FHIT: variants seen among roughly 807,000 people sequenced by gnomAD.
The protein encoded by FHIT is bis(5'-adenosyl)-triphosphatase.
FHIT carries 19 observed loss-of-function variants against 17.9 expected under a neutral mutation model. That is an observed-to-expected ratio of 1.06 (90% CI 0.74 to 1.56). The LOEUF (loss-of-function observed/expected upper bound fraction) is 1.56. Ranked by LOEUF, FHIT falls within the 40% of genes most tolerant of loss-of-function variation. The pLI is 0.00. For synonymous variants in FHIT, 81 were observed against 69.7 expected, an observed-to-expected ratio of 1.16 and a Z score of -0.81; for missense variants, 248 against 189.2, an observed-to-expected ratio of 1.31 and a Z score of -1.82.
intron 4 of FHIT, among the ~76,000 whole-genome samples, chr3:60,602,437 G>T (rs2038474978): frequency 6.6e-6 from 1 of 152,052 alleles, no homozygotes; most frequent in Admixed American, 6.6e-5. Context: ...TGTTATTCAG[G>T]TATAAAGGTA....
At chr3:60,428,582 T>C (rs1434500107) in intron 5 of FHIT, among the ~76,000 whole-genome samples, 3 of 152,124 alleles carry the variant, frequency 2.0e-5, no homozygotes, top group Admixed American at 2.0e-4. Context: ...CATTCAGCAA[T>C]AAACATTGAT....
At chr3:60,033,152 A>G (rs1261705712) in intron 5 of FHIT, among the ~76,000 whole-genome samples, 2 of 152,218 alleles carry the variant, frequency 1.3e-5, no homozygotes, top group African/African-American at 4.8e-5. Flanking sequence ...ACATTTTAAA[A>G]CAGTCAAAGA....
At chr3:60,988,962 A>AAC (rs1559890614) in intron 3 of FHIT, among the ~76,000 whole-genome samples, 1 of 148,698 alleles carries the variant, frequency 6.7e-6, no homozygotes, top group Non-Finnish European at 1.5e-5. Context: ...AAAAAAAAAA[A>AAC]AAAAAAAAAA....
At chr3:60,317,635 GTATA>G (rs372678434) in intron 5 of FHIT, among the ~76,000 whole-genome samples, 2 of 134,464 alleles carry the variant, frequency 1.5e-5, no homozygotes, top group Non-Finnish European at 3.3e-5. Context: ...GTGTGTGTGT[GTATA>G]TATATATATA....
intron 5 of FHIT, among the ~76,000 whole-genome samples, chr3:60,117,381 T>A (rs966094925): frequency 1.3e-5 from 2 of 151,266 alleles, no homozygotes; most frequent in Non-Finnish European, 2.9e-5. Flanking sequence ...TAATACTGTA[T>A]AGAAAAGAGG....
chr3:59,825,187 C>G (rs939639690), intron 8 of FHIT, among the ~76,000 whole-genome samples: 1 of 152,150 alleles, frequency 6.6e-6, no homozygotes, highest in African/African-American at 2.4e-5. Flanking sequence ...GTGCATAATG[C>G]TGCTGTCTTA....
Position 60,944,029 on chromosome 3 carries a change from C to T in FHIT, c.-111+98018G>A, listed in dbSNP as rs1168129884. 3.3e-5 allele frequency among the ~76,000 whole-genome samples: 5 copies of T among 152,280 alleles called. No homozygotes were observed. The Middle Eastern group carries it at 0.01, about 311-fold the overall frequency. ...TACCTTTCTTCTTCCCTATCCCAGT[C>T]TCTCACCTGTTACCTTGACAATTGA... On this transcript the variant is annotated intron_variant, in intron 3 of 9. Transcript: ENST00000492590.
intron 2 of FHIT, among the ~76,000 whole-genome samples, chr3:61,169,417 G>A (rs1260864424): frequency 6.6e-6 from 1 of 152,140 alleles, no homozygotes; most frequent in African/African-American, 2.4e-5. Flanking sequence ...TCTTTAGCAT[G>A]TGTTCATTTT....
intron 5 of FHIT, among the ~76,000 whole-genome samples, chr3:60,271,179 C>T (rs11130761): frequency 6.6e-6 from 1 of 151,898 alleles, no homozygotes; most frequent in East Asian, 1.9e-4. Context: ...GTGGGCAGAT[C>T]TCTTGAGCTC....
intron 5 of FHIT, among the ~76,000 whole-genome samples, chr3:60,273,951 T>A (rs1706994676): frequency 6.6e-6 from 1 of 151,996 alleles, no homozygotes. Context: ...CTTATATAAC[T>A]TTTATTAAAA....
At chr3:60,254,275 G>A (rs1705871604) in intron 5 of FHIT, among the ~76,000 whole-genome samples, 1 of 152,120 alleles carries the variant, frequency 6.6e-6, no homozygotes, top group South Asian at 2.1e-4. Context: ...AGTTCCCAGT[G>A]CAATGAACAG....
chr3:60,725,181 T>A (rs2041893060), intron 4 of FHIT, among the ~76,000 whole-genome samples: 1 of 152,236 alleles, frequency 6.6e-6, no homozygotes. Context: ...ATTCATATTC[T>A]ATCTCCAAGT....
intron 2 of FHIT, among the ~76,000 whole-genome samples, chr3:61,079,798 G>A (rs900594337): frequency 3.3e-5 from 5 of 152,124 alleles, no homozygotes; most frequent in South Asian, 2.1e-4. Flanking sequence ...ACAAAAAGAA[G>A]TTCATTCACT....
intron 5 of FHIT, among the ~76,000 whole-genome samples, chr3:60,471,558 T>A (rs1270154718): frequency 1.3e-5 from 2 of 152,198 alleles, no homozygotes; most frequent in Admixed American, 6.5e-5. Context: ...AGATTCTTTC[T>A]CCACGTCTCA....
intron 2 of FHIT, among the ~76,000 whole-genome samples, chr3:61,183,318 G>GTGAATGAATGAATGAATGAA (rs147134285): frequency 0.12 from 18,165 of 151,922 alleles, 1,152 homozygotes; most frequent in African/African-American, 0.15. Flanking sequence ...TCAACCACAA[G>GTGAATGAATGAATGAATGAA]TGAATGAATG....
chr3:59,759,285 G>C (rs112614422), intron 8 of FHIT, among the ~76,000 whole-genome samples: 1 of 152,074 alleles, frequency 6.6e-6, no homozygotes, highest in Admixed American at 6.6e-5. Flanking sequence ...GAGAAGATAG[G>C]CAAGGAAGTA....
At chr3:61,242,073 A>C (rs2106924915) in intron 1 of FHIT, among the ~76,000 whole-genome samples, 1 of 152,312 alleles carries the variant, frequency 6.6e-6, no homozygotes, top group South Asian at 2.1e-4. Context: ...TATATATTCA[A>C]ACCAAGAATG....
chr3:60,322,097 A>G (rs755377164), intron 5 of FHIT, among the ~76,000 whole-genome samples: 2 of 152,116 alleles, frequency 1.3e-5, no homozygotes, highest in African/African-American at 4.8e-5. Context: ...CAAGAAACAC[A>G]TTTGTCCAGG....
chr3:61,201,074 T>C (rs1004677484), intron 1 of FHIT, among the ~76,000 whole-genome samples: 1 of 152,232 alleles, frequency 6.6e-6, no homozygotes, highest in Admixed American at 6.5e-5. Flanking sequence ...TCTGAAAAAG[T>C]TTCACTTAGG....
Sources: gnomAD v4.1 joint callset for allele counts (sites outside exome capture counted in the v4.1 genomes callset) on GRCh38, gnomAD v4.1.1 for gene constraint, MANE v1.5 for transcripts, NCBI Gene and HGNC (gene_info 2026-07-23, HGNC 2026-07-21) for gene names.